Variants in CAMK2D observed in about 807,000 individuals in gnomAD.
CAMK2D encodes calcium/calmodulin dependent protein kinase II delta, also known as calcium/calmodulin-dependent protein kinase type II subunit delta.
Under a neutral mutation model 84.0 loss-of-function variants are expected in CAMK2D, and 37 were observed. The ratio of observed to expected loss-of-function variants is 0.44; its 90% confidence interval spans 0.34 to 0.58. The LOEUF (loss-of-function observed/expected upper bound fraction) is 0.58. Among genes scored for constraint, CAMK2D ranks in the 20% least tolerant of loss-of-function variants. The pLI is 0.02. For synonymous variants in CAMK2D, 202 were observed against 212.5 expected (o/e 0.95, Z 0.43); for missense variants, 448 against 652.5 (o/e 0.69, Z 3.41).
chr4:113,550,323 C>A (rs1338971208), intron 5 of CAMK2D, among the ~76,000 whole-genome samples: 1 of 152,162 alleles, frequency 6.6e-6, no homozygotes, highest in Non-Finnish European at 1.5e-5. Context: ...CAGGTGCATG[C>A]TGCCACACCT....
intron 16 of CAMK2D, among the ~76,000 whole-genome samples, chr4:113,467,648 C>A (rs1441709039): frequency 6.6e-6 from 1 of 152,176 alleles, no homozygotes; most frequent in Admixed American, 6.5e-5. Flanking sequence ...TGCCCTTGCT[C>A]ATTTGATTGA....
At chr4:113,531,528 A>T (rs1005632702) in intron 7 of CAMK2D, among the ~76,000 whole-genome samples, 13 of 152,166 alleles carry the variant, frequency 8.5e-5, no homozygotes, top group Admixed American at 5.2e-4. Context: ...TTTTTTCCAG[A>T]TATGAAGGCC....
chr4:113,746,164 G>T (rs539188392), intron 2 of CAMK2D, among the ~76,000 whole-genome samples: 55 of 152,336 alleles, frequency 3.6e-4, no homozygotes, highest in African/African-American at 1.2e-3. Flanking sequence ...CATTCAGGGT[G>T]AAGGAGAAAT....
At chr4:113,689,075 T>C (rs2099372834) in intron 2 of CAMK2D, among the ~76,000 whole-genome samples, 1 of 151,732 alleles carries the variant, frequency 6.6e-6, no homozygotes, top group African/African-American at 2.4e-5. Context: ...AAACCCCATC[T>C]CTACTAAAAA....
intron 4 of CAMK2D, among the ~76,000 whole-genome samples, chr4:113,583,012 G>T (rs1185470847): frequency 1.3e-5 from 2 of 152,198 alleles, no homozygotes; most frequent in African/African-American, 2.4e-5. Context: ...CAGCTCTTCA[G>T]TGGAGTCAAA....
chr4:113,548,920 C>T (rs767946591), intron 5 of CAMK2D, among the ~76,000 whole-genome samples: 6 of 152,188 alleles, frequency 3.9e-5, no homozygotes, highest in African/African-American at 7.2e-5. Flanking sequence ...ACAAAAATGA[C>T]ATCCAACATA....
chr4:113,635,720 C>A (rs1168654665), intron 3 of CAMK2D, among the ~76,000 whole-genome samples: 2 of 152,116 alleles, frequency 1.3e-5, no homozygotes, highest in African/African-American at 4.8e-5. Context: ...AATAAATATT[C>A]CCTGCTTATG....
intron 16 of CAMK2D, among the ~76,000 whole-genome samples, chr4:113,474,884 TGATCTGCCCGCCTC>T (rs1272834636): frequency 6.6e-6 from 1 of 152,146 alleles, no homozygotes; most frequent in East Asian, 1.9e-4. Flanking sequence ...TGACCTCAGG[TGATCTGCCCGCCTC>T]GACCTCCCAA....
chr4:113,548,135 C>T (rs1432651897), intron 5 of CAMK2D, among the ~76,000 whole-genome samples: 2 of 152,126 alleles, frequency 1.3e-5, no homozygotes, highest in African/African-American at 2.4e-5. Context: ...ACAGTCAGGG[C>T]ACCACTAAGG....
intron 2 of CAMK2D, among the ~76,000 whole-genome samples, chr4:113,685,575 G>A (rs572625844): frequency 4.6e-5 from 7 of 151,974 alleles, no homozygotes; most frequent in African/African-American, 7.3e-5. Flanking sequence ...ACATGAGCCC[G>A]TGAAAGGTAA....
At chr4:113,479,875 T>C (rs1057184929) in intron 16 of CAMK2D, among the ~76,000 whole-genome samples, 15 of 152,172 alleles carry the variant, frequency 9.9e-5, no homozygotes, top group Non-Finnish European at 1.9e-4. Context: ...TCAACATGAG[T>C]ATGCTCTCTT....
intron 2 of CAMK2D, among the ~76,000 whole-genome samples, chr4:113,682,279 G>C: frequency 6.6e-6 from 1 of 151,986 alleles, no homozygotes; most frequent in South Asian, 2.1e-4. Flanking sequence ...TAAGAGGAAA[G>C]TATATGAGAA....
intron 2 of CAMK2D, among the ~76,000 whole-genome samples, chr4:113,714,256 A>G (rs1274845793): frequency 1.3e-5 from 2 of 152,028 alleles, no homozygotes; most frequent in African/African-American, 2.4e-5. Flanking sequence ...ATTCTGCCAT[A>G]TCAGTATGTT....
chr4:113,760,065 T>A (rs1354358169), intron 1 of CAMK2D, among the ~76,000 whole-genome samples: 1 of 152,156 alleles, frequency 6.6e-6, no homozygotes, highest in Admixed American at 6.5e-5. Flanking sequence ...ACCAACAACA[T>A]ACATATAAAC....
At position 113,593,595 on chromosome 4, in the gene CAMK2D, T is replaced by A. The variant is rs192992192; in HGVS notation, c.275+15557A>T. 1.1e-3 allele frequency among the ~76,000 whole-genome samples: 155 copies of A among 140,840 alleles called. 1 individual carries two copies. Among genetic ancestry groups the A allele is most frequent in the Admixed American group, 2.7e-3 (31 of 11,330 alleles). 92.4% of individuals were successfully genotyped at this position (140,840 alleles called of 152,430 possible). A position where few individuals can be genotyped will look rare whatever the true frequency, so the allele number is the denominator to read the frequency against. On this transcript the variant is annotated intron_variant, in intron 4 of 20. Transcript: ENST00000511664. ...CAGTGAATACCAGAGGAAAAATCTC[T>A]TTCTGCTTCTGGAAGAAGGAGGAGA...
At chr4:113,643,849 G>T (rs1453263941) in intron 3 of CAMK2D, among the ~76,000 whole-genome samples, 2 of 152,176 alleles carry the variant, frequency 1.3e-5, no homozygotes, top group Non-Finnish European at 2.9e-5. Context: ...CTACTCCTCA[G>T]TGTCATGTTA....
intron 2 of CAMK2D, among the ~76,000 whole-genome samples, chr4:113,688,542 C>T (rs1424877799): frequency 1.3e-5 from 2 of 152,076 alleles, no homozygotes; most frequent in African/African-American, 2.4e-5. Context: ...TAAACACTTC[C>T]AGCTGCCAGA....
chr4:113,518,222 T>TCAAA (rs1292068327), intron 8 of CAMK2D, among the ~76,000 whole-genome samples: 1 of 151,992 alleles, frequency 6.6e-6, no homozygotes, highest in East Asian at 1.9e-4. Context: ...GCCTTCTCAG[T>TCAAA]CAAACAACTA....
At chr4:113,528,379 A>T (rs2098436236) in intron 8 of CAMK2D, among the ~76,000 whole-genome samples, 1 of 152,188 alleles carries the variant, frequency 6.6e-6, no homozygotes. Flanking sequence ...CAGCAAGTGA[A>T]CTGAGAAGCT....
Sources: gnomAD v4.1 joint callset for allele counts (sites outside exome capture counted in the v4.1 genomes callset) on GRCh38, gnomAD v4.1.1 for gene constraint, MANE v1.5 for transcripts, NCBI Gene and HGNC (gene_info 2026-07-23, HGNC 2026-07-21) for gene names.